Variants in CTBP2 observed in about 807,000 individuals in gnomAD.
CTBP2 encodes the protein C-terminal binding protein 2, also known as C-terminal-binding protein 2.
CTBP2 carries 30 observed loss-of-function variants against 80.3 expected under a neutral mutation model. The observed-to-expected ratio is 0.37, with a 90% CI of 0.28 to 0.51. The LOEUF is 0.51. Ranked by LOEUF, CTBP2 falls within the 20% of genes least tolerant of loss-of-function variation. CTBP2 has a pLI of 0.93. For missense variants in CTBP2, 1,212 were observed against 1,375.3 expected (o/e 0.88, Z 1.88); for synonymous variants, 594 against 587.4 (o/e 1.01, Z -0.16).
At chr10:125,017,068 T>C (rs559899517) in intron 1 of CTBP2, among the ~76,000 whole-genome samples, 1 of 152,062 alleles carries the variant, frequency 6.6e-6, no homozygotes, top group African/African-American at 2.4e-5. Flanking sequence ...AATCCCTTAA[T>C]GAGGCAGGGC....
At chr10:125,059,438 C>T (rs975596466) in intron 2 of CTBP2, among the ~76,000 whole-genome samples, 5 of 151,998 alleles carry the variant, frequency 3.3e-5, no homozygotes, top group African/African-American at 1.2e-4. Flanking sequence ...AAAAATTAGC[C>T]GGGTGTGGTG....
chr10:125,045,388 A>G (rs1447962482), intron 2 of CTBP2, among the ~76,000 whole-genome samples: 1 of 152,166 alleles, frequency 6.6e-6, no homozygotes, highest in African/African-American at 2.4e-5. Flanking sequence ...ATTTTTGCAA[A>G]TTTAGTTTTA....
intron 2 of CTBP2, among the ~76,000 whole-genome samples, chr10:125,105,934 C>G (rs916175376): frequency 4.6e-5 from 7 of 152,204 alleles, no homozygotes; most frequent in African/African-American, 1.7e-4. Context: ...CACCACCACT[C>G]CCTTCAACAA....
chr10:125,012,372 C>T (rs1445605512), intron 1 of CTBP2, among the ~76,000 whole-genome samples: 1 of 152,174 alleles, frequency 6.6e-6, no homozygotes, highest in Non-Finnish European at 1.5e-5. Flanking sequence ...GACGGGTGGT[C>T]AGGATCTCAT....
intron 2 of CTBP2, among the ~76,000 whole-genome samples, chr10:125,042,559 G>T (rs562300090): frequency 6.6e-6 from 1 of 152,320 alleles, no homozygotes; most frequent in African/African-American, 2.4e-5. Flanking sequence ...GTGGGTGGAG[G>T]GAGTTCTAGA....
At chr10:125,131,365 C>T (rs567999808) in intron 1 of CTBP2, among the ~76,000 whole-genome samples, 2 of 152,244 alleles carry the variant, frequency 1.3e-5, no homozygotes, top group African/African-American at 2.4e-5. Flanking sequence ...GGCACCTAGC[C>T]GAACCCAAAG....
intron 1 of CTBP2, among the ~76,000 whole-genome samples, chr10:125,126,278 C>A (rs897925185): frequency 2.0e-5 from 3 of 152,230 alleles, no homozygotes; most frequent in Non-Finnish European, 4.4e-5. Flanking sequence ...CGCTGTGATT[C>A]TCGGTAACTT....
intron 1 of CTBP2, among the ~76,000 whole-genome samples, chr10:125,020,584 G>GAA (rs1441537350): frequency 6.6e-6 from 1 of 152,176 alleles, no homozygotes; most frequent in East Asian, 1.9e-4. Flanking sequence ...GGCCTCCCAT[G>GAA]AAAACACGGG....
At chr10:125,020,452 A>G (rs1057145515) in intron 1 of CTBP2, among the ~76,000 whole-genome samples, 1 of 152,194 alleles carries the variant, frequency 6.6e-6, no homozygotes, top group African/African-American at 2.4e-5. Flanking sequence ...GGAAGACAGA[A>G]CGCCCCTGTA....
At chr10:125,092,176 CT>C (rs71029238) in intron 2 of CTBP2, among the ~76,000 whole-genome samples, 24,702 of 86,874 alleles carry the variant, frequency 0.28, 1,803 homozygotes, top group Middle Eastern at 0.38. Flanking sequence ...TCTGAAGATT[CT>C]TTTTTTTTTT....
intron 1 of CTBP2, among the ~76,000 whole-genome samples, chr10:125,141,952 G>A (rs1252839865): frequency 2.6e-5 from 4 of 152,166 alleles, no homozygotes; most frequent in East Asian, 1.9e-4. Context: ...GGAGCCAGCG[G>A]CTATGGCGGA....
rs1958750746 is a variant in CTBP2 at position 125,035,431 on chromosome 10, T to C, written c.58+3566A>G. On this transcript the variant is annotated intron_variant, in intron 3 of 10. Transcript: ENST00000337195. ...AGGGGACTACTCACAACTCAGCTGA[T>C]ACCATCCTCGGGGGACCATTTTCCA... is the stretch of plus-strand genomic sequence containing the variant. Among the ~76,000 whole-genome samples the C allele has an allele frequency of 2.6e-5, 4 of 152,102 alleles. 1 individual carries two copies. In the South Asian group the frequency reaches 8.3e-4, roughly 32 times the overall value.
At chr10:125,088,893 T>C (rs1043128655) in intron 2 of CTBP2, among the ~76,000 whole-genome samples, 3 of 152,204 alleles carry the variant, frequency 2.0e-5, no homozygotes, top group Admixed American at 2.0e-4. Context: ...AAAGAGAGTT[T>C]CATTATCAGT....
chr10:125,007,305 C>T lies in CTBP2; in HGVS notation c.1679-3813G>A, dbSNP rs924595364. On this transcript the variant is annotated intron_variant, in intron 1 of 8. Transcript: ENST00000309035. ...GTGCACCAGGACGGCCCTGCCCCTCCGTCCGGGATGTGCTGTGCACCAGCT... is the reference window on the plus strand; with the variant it reads ...GTGCACCAGGACGGCCCTGCCCCTCTGTCCGGGATGTGCTGTGCACCAGCT... 1.8e-4 allele frequency among the ~76,000 whole-genome samples: 27 copies of T among 152,244 alleles called. 1 individual carries two copies. Among genetic ancestry groups the T allele is most frequent in the African/African-American group, 2.9e-4 (12 of 41,470 alleles).
At chr10:125,049,046 GACAC>G (rs1178000125) in intron 2 of CTBP2, among the ~76,000 whole-genome samples, 1,787 of 89,670 alleles carry the variant, frequency 0.02, 36 homozygotes, top group Admixed American at 0.065. Flanking sequence ...CCTGACCACA[GACAC>G]ACACACACAC....
chr10:124,993,808 G>C (rs1953056558), intron 6 of CTBP2, 47 bp downstream of exon 8: 2 of 1,587,006 alleles, frequency 1.3e-6, no homozygotes, highest in South Asian at 2.3e-5. Context: ...GTCAGGTGTG[G>C]AGCTGGGCCC....
rs33963277 is a variant in CTBP2 at position 125,139,374 on chromosome 10, C to CAAA, written c.-206+20942_-206+20944dup. 8.7e-4 allele frequency among the ~76,000 whole-genome samples: 84 copies of CAAA among 96,172 alleles called. 1 individual carries two copies. Among genetic ancestry groups the CAAA allele is most frequent in the African/African-American group, 2.7e-3 (73 of 26,818 alleles). The allele number at this position is 96,172 out of a possible 152,430, so 63.1% of individuals were successfully genotyped here. A position where few individuals can be genotyped will look rare whatever the true frequency, so the allele number is the denominator to read the frequency against. On this transcript the variant is annotated intron_variant, in intron 1 of 10. Transcript: ENST00000337195. Reference sequence around the variant, plus strand: ...CCTGGGTGACAGAGCTAGACTGTCTCAAAAAAAAAAAAAAAAAAAAAAGAT... The same window carrying CAAA: ...CCTGGGTGACAGAGCTAGACTGTCTCAAAAAAAAAAAAAAAAAAAAAAAAAGAT...
chr10:125,134,796 C>CCCT (rs910600359), intron 1 of CTBP2, among the ~76,000 whole-genome samples: 3 of 35,252 alleles, frequency 8.5e-5, no homozygotes, highest in Non-Finnish European at 3.1e-4. Context: ...TCCCATCTTC[C>CCCT]CCCAGCCTTT....
chr10:125,074,649 C>A (rs1304778265), intron 2 of CTBP2, among the ~76,000 whole-genome samples: 1 of 152,228 alleles, frequency 6.6e-6, no homozygotes, highest in African/African-American at 2.4e-5. Context: ...CTGGCGAACA[C>A]TGTCCTTTTC....
Sources: gnomAD v4.1 joint callset for allele counts (sites outside exome capture counted in the v4.1 genomes callset) on GRCh38, gnomAD v4.1.1 for gene constraint, MANE v1.5 for transcripts, NCBI Gene and HGNC (gene_info 2026-07-23, HGNC 2026-07-21) for gene names.